The following SMPX variants were observed in gnomAD, a reference collection of about 807,000 sequenced individuals.
SMPX encodes small muscular protein.
SMPX carries 2 observed loss-of-function variants against 6.3 expected under a neutral mutation model. That is an observed-to-expected ratio of 0.32 (90% CI 0.13 to 0.99). SMPX has a LOEUF of 0.99. Ranked by LOEUF, SMPX falls within the 50% of genes least tolerant of loss-of-function variation. SMPX has a pLI of 0.49. For synonymous variants in SMPX, 32 were observed against 24.7 expected (o/e 1.30, Z -0.88); for missense variants, 60 against 66.8 (o/e 0.90, Z 0.36).
intron 4 of SMPX, among the ~76,000 whole-genome samples, chrX:21,731,600 ATGTGTATATGTGTATATGTACACATT>A (rs2092804528): frequency 3.2e-5 from 3 of 93,678 alleles, no homozygotes; most frequent in Non-Finnish European, 6.5e-5. Flanking sequence ...GTACACATTA[ATGTGTATATGTGTATATGTACACATT>A]TGTGTATATG....
At chrX:21,737,813 A>G (rs2092812129) in intron 3 of SMPX, 116 bp from the exon 4 acceptor site, 1 of 701,676 alleles carries the variant, frequency 1.4e-6, no homozygotes, top group African/African-American at 2.1e-5. Context: ...GTGTGATTCT[A>G]GCAGAGTGAC....
At chrX:21,737,348 A>G (rs956369475) in intron 4 of SMPX, among the ~76,000 whole-genome samples, 8 of 111,702 alleles carry the variant, frequency 7.2e-5, no homozygotes, top group Non-Finnish European at 1.5e-4. Context: ...AACATCTTCA[A>G]TGGATCTATG....
intron 2 of SMPX, among the ~76,000 whole-genome samples, chrX:21,744,847 T>C (rs966392665): frequency 1.8e-5 from 2 of 112,274 alleles, no homozygotes; most frequent in Non-Finnish European, 3.8e-5. Flanking sequence ...TTTTTTATCT[T>C]ATGACATGGA....
chrX:21,719,552 G>GAA (rs1428664989), intron 4 of SMPX, among the ~76,000 whole-genome samples: 3 of 110,142 alleles, frequency 2.7e-5, no homozygotes, highest in African/African-American at 9.9e-5. Flanking sequence ...AAGAAAGAAA[G>GAA]AAAGAAAGAA....
intron 1 of SMPX, among the ~76,000 whole-genome samples, chrX:21,757,671 A>T (rs2092834346): frequency 8.9e-6 from 1 of 111,983 alleles, no homozygotes; most frequent in Non-Finnish European, 1.9e-5. Context: ...TCAAGGTCAC[A>T]GTTATCATTT....
At position 21,748,296 on chromosome X, in the gene SMPX, T is replaced by C. The variant is rs897794592; in HGVS notation, c.46-4460A>G. Among the ~76,000 whole-genome samples, 5 of 112,292 alleles carry C rather than the reference T, an allele frequency of 4.5e-5. No homozygotes were observed. The Admixed American group carries it at 4.7e-4, about 11-fold the overall frequency. On this transcript the variant is annotated intron_variant, in intron 2 of 4. Transcript: ENST00000379494. ...TTGAGAAACTTCTACTTTGCCACTG[T>C]TCTTCACCCATGATGTTTCATATTG...
At chrX:21,739,787 A>G (rs1439984769) in intron 3 of SMPX, among the ~76,000 whole-genome samples, 1 of 112,330 alleles carries the variant, frequency 8.9e-6, no homozygotes, top group Non-Finnish European at 1.9e-5. Context: ...ATAAAGAAGC[A>G]TGAAAGAGAA....
Position 21,706,080 on chromosome X carries a change from G to A in SMPX, c.*329C>T. The stretch of plus-strand genomic sequence containing the variant: ...CATTCCAAATATTGACCAAAATACT[G>A]TAGGAAGTAGCTTGGGAAACTTTTC... On this transcript the variant is annotated 3_prime_UTR_variant, in exon 5 of 5. Transcript: ENST00000379494. 2.0e-6 allele frequency: 1 copy of A among 512,771 alleles called. No homozygotes were observed. Among genetic ancestry groups the A allele is most frequent in the Non-Finnish European group, 3.5e-6 (1 of 286,586 alleles). 42.3% of individuals were successfully genotyped at this position (512,771 alleles called of 1,213,427 possible).
At chrX:21,728,805 C>T (rs185030500) in intron 4 of SMPX, among the ~76,000 whole-genome samples, 18 of 112,085 alleles carry the variant, frequency 1.6e-4, no homozygotes, top group African/African-American at 5.8e-4. Context: ...TTCACTCTCC[C>T]ATAAACAAAA....
chrX:21,747,045 A>G (rs772163258), intron 2 of SMPX, among the ~76,000 whole-genome samples: 13 of 111,947 alleles, frequency 1.2e-4, no homozygotes, highest in African/African-American at 4.2e-4. Context: ...CTACCTACAA[A>G]TTGAGTGTAT....
At chrX:21,729,907 C>A (rs2092801430) in intron 4 of SMPX, among the ~76,000 whole-genome samples, 1 of 111,939 alleles carries the variant, frequency 8.9e-6, no homozygotes, top group Admixed American at 9.5e-5. Context: ...GTCCTCTACA[C>A]CCACACAGAC....
At chrX:21,731,718 G>GTGTATATA (rs1349575140) in intron 4 of SMPX, among the ~76,000 whole-genome samples, 7 of 100,752 alleles carry the variant, frequency 6.9e-5, no homozygotes, top group Non-Finnish European at 1.4e-4. Context: ...ATGTGTATAT[G>GTGTATATA]TACACATTAA....
intron 4 of SMPX, among the ~76,000 whole-genome samples, chrX:21,716,225 C>T (rs990616476): frequency 8.9e-6 from 1 of 112,052 alleles, no homozygotes; most frequent in African/African-American, 3.2e-5. Flanking sequence ...ATTTTTGAAG[C>T]CTCTTTAAGC....
At chrX:21,738,782 A>T (rs1479521226) in intron 3 of SMPX, among the ~76,000 whole-genome samples, 2 of 109,938 alleles carry the variant, frequency 1.8e-5, no homozygotes, top group East Asian at 2.9e-4. Context: ...GAGACTTGGG[A>T]CTCCTCTGCG....
At chrX:21,737,231 C>T (rs1272812558) in intron 4 of SMPX, among the ~76,000 whole-genome samples, 2 of 111,398 alleles carry the variant, frequency 1.8e-5, no homozygotes, top group African/African-American at 6.5e-5. Context: ...GGGAGGGCTC[C>T]CTGGACCTCA....
At position 21,750,798 on chromosome X, in the gene SMPX, G is replaced by A. The variant is rs2092826690; in HGVS notation, c.45+3448C>T. Among the ~76,000 whole-genome samples, 7 of 112,119 alleles carry A rather than the reference G, an allele frequency of 6.2e-5. No homozygotes were observed. In the Admixed American group the frequency reaches 6.6e-4, roughly 11 times the overall value. On this transcript the variant is annotated intron_variant, in intron 2 of 4. Transcript: ENST00000379494. ...GTTCTGGCCTCCCTCTTACTCTGGTGCACAGAGGAGATGGAACCAGTTGAA... is the reference window on the plus strand; with the variant it reads ...GTTCTGGCCTCCCTCTTACTCTGGTACACAGAGGAGATGGAACCAGTTGAA...
chrX:21,748,769 G>A (rs2092824197), intron 2 of SMPX, among the ~76,000 whole-genome samples: 1 of 112,162 alleles, frequency 8.9e-6, no homozygotes, highest in East Asian at 2.8e-4. Flanking sequence ...AAAACAAATG[G>A]CAAATGAAAG....
intron 4 of SMPX, among the ~76,000 whole-genome samples, chrX:21,718,589 G>A (rs754351284): frequency 8.9e-6 from 1 of 112,388 alleles, no homozygotes; most frequent in South Asian, 3.7e-4. Flanking sequence ...GTATTTTCTG[G>A]GCTGTGAGGA....
chrX:21,730,154 C>T (rs2092801674), intron 4 of SMPX, among the ~76,000 whole-genome samples: 1 of 112,074 alleles, frequency 8.9e-6, no homozygotes, highest in Admixed American at 9.4e-5. Flanking sequence ...TGGGTCAAAG[C>T]AGGGAACATT....
Sources: gnomAD v4.1 joint callset for allele counts (sites outside exome capture counted in the v4.1 genomes callset) on GRCh38, gnomAD v4.1.1 for gene constraint, MANE v1.5 for transcripts, NCBI Gene and HGNC (gene_info 2026-07-23, HGNC 2026-07-21) for gene names.